The following MME variants were observed in gnomAD, a reference collection of about 807,000 sequenced individuals.
MME encodes the protein membrane metalloendopeptidase.
A neutral mutation model predicts 113.2 loss-of-function variants in MME; 98 were observed. The ratio of observed to expected loss-of-function variants is 0.87; its 90% CI spans 0.74 to 1.02. The LOEUF is 1.02. Among genes scored for constraint, MME ranks in the 50% least tolerant of loss-of-function variants. The pLI is 0.00. For synonymous variants in MME, 292 were observed against 300.6 expected (o/e 0.97, Z 0.30); for missense variants, 836 against 896.0 (o/e 0.93, Z 0.86).
chr3:155,141,367 A>T (rs1199312590), intron 10 of MME, among the ~76,000 whole-genome samples: 1 of 152,200 alleles, frequency 6.6e-6, no homozygotes, highest in Non-Finnish European at 1.5e-5. Flanking sequence ...ACAACCTAAG[A>T]TATTGATAGT....
chr3:155,042,932 ATATATATG>A (rs1175124942), intron 1 of MME, among the ~76,000 whole-genome samples: 724 of 63,362 alleles, frequency 0.011, 19 homozygotes, highest in African/African-American at 0.043. Context: ...ATATATATAT[ATATATATG>A]TATATATATA....
intron 1 of MME, among the ~76,000 whole-genome samples, chr3:155,069,900 T>C (rs1714498398): frequency 6.6e-6 from 1 of 152,166 alleles, no homozygotes; most frequent in African/African-American, 2.4e-5. Context: ...AGAAGGACCT[T>C]ATTGAGAACT....
chr3:155,173,360 G>A (rs1712191283), intron 22 of MME, among the ~76,000 whole-genome samples: 1 of 151,636 alleles, frequency 6.6e-6, no homozygotes, highest in Non-Finnish European at 1.5e-5. Context: ...AAATTTTGTA[G>A]GGTAGTTGGA....
In MME at chr3:155,034,060, A is replaced by G. The variant is rs558458081; in HGVS notation, c.-11+9736A>G. Among the ~76,000 whole-genome samples, 33 of 152,314 alleles carry G rather than the reference A, an allele frequency of 2.2e-4. 1 individual carries two copies. The South Asian group carries it at 5.8e-3, about 27-fold the overall frequency. On this transcript the variant is annotated intron_variant, in intron 1 of 22. Coordinates refer to the MME transcript ENST00000492661. ...TAGGCCACAGATTTTTAAAATGTACACAGGGAAAAAGACTACCTCCAAAGT... is the reference window on the plus strand; with the variant it reads ...TAGGCCACAGATTTTTAAAATGTACGCAGGGAAAAAGACTACCTCCAAAGT...
Position 155,116,777 on chromosome 3 carries a change from C to T in MME, c.535+18C>T, listed in dbSNP as rs752350371. On this transcript the variant is annotated intron_variant, in intron 6 of 22. Transcript: ENST00000360490. ...AAAATATGGTAAGGCAATTTTCCTACTAAAAAAGAAATTTCCATGTAAAAT... is the reference window on the plus strand; with the variant it reads ...AAAATATGGTAAGGCAATTTTCCTATTAAAAAAGAAATTTCCATGTAAAAT... 10 of 1,600,898 alleles carry T rather than the reference C, an allele frequency of 6.2e-6. No individual in the cohort carries two copies. In the Admixed American group the frequency reaches 6.7e-5, roughly 11 times the overall value.
At chr3:155,136,550 A>C (rs1207773853) in intron 8 of MME, among the ~76,000 whole-genome samples, 1 of 152,212 alleles carries the variant, frequency 6.6e-6, no homozygotes, top group Non-Finnish European at 1.5e-5. Flanking sequence ...TATCCATGAA[A>C]AGAACTGTTT....
At chr3:155,047,249 C>A (rs548297039) in intron 1 of MME, among the ~76,000 whole-genome samples, 6 of 152,284 alleles carry the variant, frequency 3.9e-5, no homozygotes, top group Non-Finnish European at 5.9e-5. Context: ...TAAATACTTT[C>A]CATTGTTTTA....
chr3:155,084,101 G>A, intron 1 of MME, 57 bp from the exon 2 acceptor site: 4 of 1,364,132 alleles, frequency 2.9e-6, no homozygotes, highest in Non-Finnish European at 4.2e-6. Context: ...TTAAGCATTT[G>A]GACATTTTCT....
chr3:155,045,172 G>A (rs1425090013), intron 1 of MME, among the ~76,000 whole-genome samples: 2 of 141,284 alleles, frequency 1.4e-5, no homozygotes, highest in Non-Finnish European at 3.1e-5. Context: ...TTTTTTTTCA[G>A]ACGGAGTCTC....
chr3:155,064,179 G>C (rs1276859393), intron 1 of MME, among the ~76,000 whole-genome samples: 3 of 151,946 alleles, frequency 2.0e-5, no homozygotes, highest in Admixed American at 6.6e-5. Context: ...ATCCCAGGTA[G>C]TCGGGAGGCT....
chr3:155,127,622 A>G (rs1446945459), intron 8 of MME, among the ~76,000 whole-genome samples: 2 of 152,230 alleles, frequency 1.3e-5, no homozygotes, highest in African/African-American at 4.8e-5. Context: ...TACCAATGTC[A>G]TTTAGCATAC....
chr3:155,098,074 C>T (rs1716886819), intron 3 of MME, among the ~76,000 whole-genome samples: 1 of 151,990 alleles, frequency 6.6e-6, no homozygotes, highest in Non-Finnish European at 1.5e-5. Flanking sequence ...AATAAACACA[C>T]ACACATATAA....
intron 1 of MME, among the ~76,000 whole-genome samples, chr3:155,060,829 C>CAGAGAGAGAGAGAGAGAGAGAG (rs138935329): frequency 7.3e-6 from 1 of 137,674 alleles, no homozygotes; most frequent in African/African-American, 2.7e-5. Flanking sequence ...TGCAGAGAGG[C>CAGAGAGAGAGAGAGAGAGAGAG]AGAGAGAGAG....
chr3:155,082,912 C>T (rs61761165), intron 1 of MME, among the ~76,000 whole-genome samples: 102 of 152,294 alleles, frequency 6.7e-4, no homozygotes, highest in Non-Finnish European at 7.8e-4. Flanking sequence ...CAACAAAGAT[C>T]TTTAACTATA....
intron 1 of MME, among the ~76,000 whole-genome samples, chr3:155,040,647 T>C (rs1232071955): frequency 6.6e-6 from 1 of 152,040 alleles, no homozygotes; most frequent in African/African-American, 2.4e-5. Flanking sequence ...TAAATGTTAA[T>C]ATTTGGAAAA....
At chr3:155,037,097 G>A (rs956110735) in intron 1 of MME, among the ~76,000 whole-genome samples, 2 of 152,112 alleles carry the variant, frequency 1.3e-5, no homozygotes, top group Admixed American at 1.3e-4. Flanking sequence ...TGTTTGTCAG[G>A]CAGTACTGCG....
At chr3:155,029,225 T>C (rs746772989) in intron 1 of MME, among the ~76,000 whole-genome samples, 1 of 152,152 alleles carries the variant, frequency 6.6e-6, no homozygotes, top group Non-Finnish European at 1.5e-5. Flanking sequence ...TAGTGTATTA[T>C]CAATACTAAA....
Position 155,138,242 on chromosome 3 carries a change from A to T in MME, c.855+6A>T, listed in dbSNP as rs41267907. 4,527 of 1,613,234 alleles carry T rather than the reference A, an allele frequency of 2.8e-3. 11 individuals carry two copies. Among genetic ancestry groups the T allele is most frequent in the Middle Eastern group, 9.6e-3 (58 of 6,050 alleles). On this transcript the variant is annotated splice_donor_region_variant and intron_variant, in intron 9 of 22. Coordinates refer to ENST00000360490, the MANE Select transcript of MME (RefSeq NM_007289.4). ...TGGAAAAAGAAATTGCCAATGTAAA[A>T]CACATTTTTTTTTCTGATACACTGA...
upstream of MME, among the ~76,000 whole-genome samples, chr3:155,077,721 A>C (rs1004153043): frequency 6.6e-6 from 1 of 151,494 alleles, no homozygotes; most frequent in East Asian, 1.9e-4. Flanking sequence ...ACAAAAAAAA[A>C]CGAACAACAG....
Sources: gnomAD v4.1 joint callset for allele counts (sites outside exome capture counted in the v4.1 genomes callset) on GRCh38, gnomAD v4.1.1 for gene constraint, MANE v1.5 for transcripts, NCBI Gene and HGNC (gene_info 2026-07-23, HGNC 2026-07-21) for gene names.